RAP1B: variants seen among roughly 807,000 people sequenced by gnomAD.
The protein encoded by RAP1B is RAP1B, member of RAS oncogene family, also known as ras-related protein Rap-1b.
RAP1B carries 1 observed loss-of-function variant against 27.5 expected under a neutral mutation model. The ratio of observed to expected loss-of-function variants is 0.04; its 90% CI spans 0.01 to 0.17. The LOEUF (loss-of-function observed/expected upper bound fraction) is 0.17. RAP1B is among the 10% of genes least tolerant of loss of function. The pLI is 1.00. For missense variants in RAP1B, 84 were observed against 214.8 expected (o/e 0.39, Z 3.81); for synonymous variants, 75 against 73.1 (o/e 1.03, Z -0.13).
chr12:68,634,201 A>G (rs1467586310), intron 1 of RAP1B, among the ~76,000 whole-genome samples: 1 of 152,248 alleles, frequency 6.6e-6, no homozygotes, highest in Non-Finnish European at 1.5e-5. Context: ...TAGCAAATTA[A>G]CATTTACTGG....
intron 1 of RAP1B, among the ~76,000 whole-genome samples, chr12:68,629,108 T>C (rs1399690761): frequency 1.3e-5 from 2 of 152,218 alleles, no homozygotes; most frequent in Non-Finnish European, 2.9e-5. Flanking sequence ...CACCTCAGCC[T>C]CCTGAGTAGC....
chr12:68,625,783 G>A (rs1013881443), intron 1 of RAP1B, among the ~76,000 whole-genome samples: 7 of 152,168 alleles, frequency 4.6e-5, no homozygotes, highest in Admixed American at 2.0e-4. Context: ...TTAGCCGAGC[G>A]TGGTGGCGCG....
chr12:68,668,337 A>G lies in RAP1B; in HGVS notation c.*9088A>G, dbSNP rs1874935050. The G allele has an allele frequency of 6.6e-6, 1 of 151,336 alleles. No individual in the cohort carries two copies. Among genetic ancestry groups the G allele is most frequent in the Non-Finnish European group, 1.5e-5 (1 of 67,780 alleles). 9.4% of individuals were successfully genotyped at this position (151,336 alleles called of 1,614,324 possible). ...GTTGCACAGTGTTGATCTCCCTAAGACTATTATAATAAGGAAGGGGTTTTT... is the reference window on the plus strand; with the variant it reads ...GTTGCACAGTGTTGATCTCCCTAAGGCTATTATAATAAGGAAGGGGTTTTT... On this transcript the variant is annotated 3_prime_UTR_variant, in exon 8 of 8. Transcript: ENST00000250559.
intron 1 of RAP1B, chr12:68,642,397 G>A: frequency 2.0e-6 from 1 of 506,286 alleles, no homozygotes. Flanking sequence ...AGCAATGAGA[G>A]ATATTGGCTA....
At chr12:68,656,970 C>G (rs1212379582) in intron 6 of RAP1B, 131 bp from the exon 7 acceptor site, 10 of 781,964 alleles carry the variant, frequency 1.3e-5, no homozygotes, top group Non-Finnish European at 2.1e-5. Context: ...TGATTTTATT[C>G]TCATTCCTTA....
chr12:68,631,516 C>CA (rs1345617572), intron 1 of RAP1B, among the ~76,000 whole-genome samples: 5 of 152,282 alleles, frequency 3.3e-5, no homozygotes, highest in East Asian at 3.9e-4. Context: ...CACTGATACT[C>CA]AGAGATCTCC....
chr12:68,656,901 AT>A (rs1874246602), intron 6 of RAP1B, among the ~76,000 whole-genome samples, 199 bp from the exon 7 acceptor site: 1 of 152,334 alleles, frequency 6.6e-6, no homozygotes, highest in South Asian at 2.1e-4. Flanking sequence ...TCAACTAAGT[AT>A]TTTAAGGAGC....
chr12:68,644,418 T>TA (rs534380296), intron 1 of RAP1B, among the ~76,000 whole-genome samples: 124 of 151,788 alleles, frequency 8.2e-4, no homozygotes, highest in African/African-American at 2.8e-3. Flanking sequence ...CCGTCTCTAC[T>TA]AAAAAAATAC....
At chr12:68,636,276 T>G (rs1271378855) in intron 1 of RAP1B, among the ~76,000 whole-genome samples, 1 of 152,232 alleles carries the variant, frequency 6.6e-6, no homozygotes, top group East Asian at 1.9e-4. Context: ...AGCTACTTCT[T>G]CATTTATTAA....
chr12:68,630,531 G>A (rs762718320), intron 1 of RAP1B, among the ~76,000 whole-genome samples: 1 of 152,170 alleles, frequency 6.6e-6, no homozygotes, highest in Non-Finnish European at 1.5e-5. Flanking sequence ...ATAATTAGGT[G>A]TCTTCCATAT....
intron 1 of RAP1B, among the ~76,000 whole-genome samples, chr12:68,622,004 T>C (rs2135919798): frequency 6.6e-6 from 1 of 152,328 alleles, no homozygotes; most frequent in African/African-American, 2.4e-5. Flanking sequence ...ACTCAGGTAT[T>C]TGTTTTAAGT....
chr12:68,616,250 CTG>C (rs1195703884), intron 1 of RAP1B, among the ~76,000 whole-genome samples: 3 of 151,638 alleles, frequency 2.0e-5, no homozygotes, highest in African/African-American at 7.3e-5. Flanking sequence ...GCGTGAGCCA[CTG>C]TGCCCGGCCT....
At chr12:68,622,380 G>A (rs1477671854) in intron 1 of RAP1B, among the ~76,000 whole-genome samples, 2 of 152,176 alleles carry the variant, frequency 1.3e-5, no homozygotes, top group Admixed American at 6.5e-5. Flanking sequence ...AATACCCTCC[G>A]GTCCCAATTT....
At chr12:68,625,921 A>C (rs765050923) in intron 1 of RAP1B, among the ~76,000 whole-genome samples, 10 of 126,274 alleles carry the variant, frequency 7.9e-5, no homozygotes, top group Non-Finnish European at 1.1e-4. Flanking sequence ...ACTCTGTCTC[A>C]AAAAAAAAAA....
At chr12:68,653,856 G>T (rs1305138097) in intron 4 of RAP1B, among the ~76,000 whole-genome samples, 1 of 151,832 alleles carries the variant, frequency 6.6e-6, no homozygotes, top group African/African-American at 2.4e-5. Flanking sequence ...ACTTGAGCCC[G>T]GGAGGCAGAG....
At position 68,629,494 on chromosome 12, in the gene RAP1B, G is replaced by A. The variant is rs139248714; in HGVS notation, c.-27+18451G>A. 2.1e-3 allele frequency among the ~76,000 whole-genome samples: 320 copies of A among 152,268 alleles called. 1 individual carries two copies. Among genetic ancestry groups the A allele is most frequent in the African/African-American group, 6.5e-3 (271 of 41,550 alleles). On this transcript the variant is annotated intron_variant, in intron 1 of 7. Coordinates refer to ENST00000250559, the MANE Select transcript of RAP1B (RefSeq NM_001010942.3). Reference sequence around the variant, plus strand: ...GGCATGAATACTTTGATGTTAGACCGTGTGTATTTTAACCACTTGAAGAAT... The same window carrying A: ...GGCATGAATACTTTGATGTTAGACCATGTGTATTTTAACCACTTGAAGAAT...
In RAP1B at chr12:68,652,050, C is replaced by T. The variant is rs1873847112; in HGVS notation, c.182C>T (p.Thr61Met). ...CTTGAAATCTTGGATACTGCAGGAA[C>T]GGTAGGTAAAACTAAATACCAAAGT... ...CMLEILDTAGTEQFTAMRDLY... is the reference protein window; with the variant it reads ...CMLEILDTAGMEQFTAMRDLY... The change falls in exon 4 of 8, where the codon ACG (threonine) becomes ATG (methionine). Residue 61 changes from threonine to methionine, a missense_variant and splice_region_variant. By Grantham distance (81) the Thr-to-Met change is moderately conservative. Transcript: ENST00000250559. 2 of 1,610,710 alleles carry T rather than the reference C, an allele frequency of 1.2e-6. No individual in the cohort carries two copies. The highest frequency in any genetic ancestry group is 8.5e-7 in the Non-Finnish European group (1 of 1,177,264).
rs1416261001 is a variant in RAP1B at position 68,627,166 on chromosome 12, C to T, written c.-27+16123C>T. ...GTGCCCTGGGGCTTCCCAAAGGCAC[C>T]TCGCATGCCTGTTTGGAACCTACAC... On this transcript the variant is annotated intron_variant, in intron 1 of 7. Coordinates refer to ENST00000250559, the MANE Select transcript of RAP1B (RefSeq NM_001010942.3). 7.7e-6 allele frequency: 12 copies of T among 1,559,362 alleles called. No individual in the cohort carries two copies. In the East Asian group the frequency reaches 2.5e-4, roughly 32 times the overall value.
intron 3 of RAP1B, 27 bp from the exon 4 acceptor site, chr12:68,651,968 G>T: frequency 6.3e-7 from 1 of 1,588,930 alleles, no homozygotes; most frequent in South Asian, 1.1e-5. Context: ...TTGAAAAAAT[G>T]AACATGTATT....
Sources: allele counts gnomAD v4.1 joint callset (sites outside exome capture counted in the v4.1 genomes callset), GRCh38; gene constraint gnomAD v4.1.1; transcripts MANE v1.5; gene names NCBI Gene and HGNC (gene_info 2026-07-23, HGNC 2026-07-21).